Variants in AFF4 observed in about 807,000 individuals in gnomAD.
AFF4 encodes AF4/FMR2 family member 4.
A neutral mutation model predicts 124.8 loss-of-function variants in AFF4; 13 were observed. The observed-to-expected ratio is 0.10, with a 90% confidence interval of 0.07 to 0.17. The LOEUF is 0.17. AFF4 is among the 10% of genes least tolerant of loss of function. The pLI is 1.00. For missense variants in AFF4, 1,092 were observed against 1,403.8 expected, an observed-to-expected ratio of 0.78 and a Z score of 3.55; for synonymous variants, 477 against 496.1, an observed-to-expected ratio of 0.96 and a Z score of 0.51.
At chr5:132,900,838 A>T (rs1367848603) in intron 7 of AFF4, 1 of 973,142 alleles carries the variant, frequency 1.0e-6, no homozygotes, top group Non-Finnish European at 1.2e-6. Context: ...AACTAGGAAA[A>T]TGTCTAATTT....
At chr5:132,899,699 G>A (rs1760501244) in intron 7 of AFF4, 58 bp from the exon 8 acceptor site, 20 of 1,437,796 alleles carry the variant, frequency 1.4e-5, no homozygotes, top group Non-Finnish European at 1.5e-5. Flanking sequence ...GTATGCCAGA[G>A]TACTAAATAT....
intron 1 of AFF4, chr5:132,943,671 T>C (rs1457987512): frequency 8.4e-6 from 2 of 238,472 alleles, no homozygotes; most frequent in Non-Finnish European, 9.2e-6. Flanking sequence ...CTGGGAACAA[T>C]GGGGGCTTCA....
intron 13 of AFF4, chr5:132,891,962 T>C (rs1163556471): frequency 3.9e-6 from 3 of 760,802 alleles, no homozygotes; most frequent in Non-Finnish European, 6.2e-6. Flanking sequence ...TCTTTCAATA[T>C]GTATGTGACC....
intron 13 of AFF4, among the ~76,000 whole-genome samples, chr5:132,891,052 A>T (rs1760244361): frequency 6.6e-6 from 1 of 151,788 alleles, no homozygotes; most frequent in African/African-American, 2.4e-5. Context: ...TTAAAAAAGC[A>T]ATAGCAGGTT....
At chr5:132,894,569 A>G (rs1241074540) in intron 11 of AFF4, among the ~76,000 whole-genome samples, 4 of 152,254 alleles carry the variant, frequency 2.6e-5, no homozygotes, top group Non-Finnish European at 5.9e-5. Context: ...AGAAAAAGAA[A>G]TCTACATCCT....
At chr5:132,953,163 T>TAA (rs112131226) in intron 1 of AFF4, among the ~76,000 whole-genome samples, 3 of 143,390 alleles carry the variant, frequency 2.1e-5, no homozygotes, top group African/African-American at 7.6e-5. Flanking sequence ...CTGTCTCTAC[T>TAA]AAAAAAAAAA....
Position 132,879,208 on chromosome 5 carries a change from C to A in AFF4, c.*1851G>T, listed in dbSNP as rs1759912001. 2 of 220,174 alleles carry A rather than the reference C, an allele frequency of 9.1e-6. No individual in the cohort carries two copies. Among genetic ancestry groups the A allele is most frequent in the Non-Finnish European group, 9.1e-6 (1 of 109,932 alleles). 13.6% of individuals were successfully genotyped at this position (220,174 alleles called of 1,614,324 possible). On this transcript the variant is annotated 3_prime_UTR_variant, in exon 21 of 21. Coordinates refer to ENST00000265343, the MANE Select transcript of AFF4 (RefSeq NM_014423.4). Reference sequence around the variant, plus strand: ...GTTAAGAAGCTCTATAAATATGAGGCCACAGGGACAATGAAAGTTCACTAA... The same window carrying A: ...GTTAAGAAGCTCTATAAATATGAGGACACAGGGACAATGAAAGTTCACTAA...
At chr5:132,919,686 C>T (rs1359722891) in intron 5 of AFF4, among the ~76,000 whole-genome samples, 1 of 152,102 alleles carries the variant, frequency 6.6e-6, no homozygotes, top group Non-Finnish European at 1.5e-5. Context: ...CCCATCTCTA[C>T]TAGAAATACA....
Position 132,878,575 on chromosome 5 carries a change from G to A in AFF4, c.*2484C>T, listed in dbSNP as rs2150059371. On this transcript the variant is annotated 3_prime_UTR_variant, in exon 21 of 21. Coordinates refer to ENST00000265343, the MANE Select transcript of AFF4 (RefSeq NM_014423.4). Reference sequence around the variant, plus strand: ...TAAGAAGATAGACATGGAGGAAAGGGAGTAGTATTTCCACACACTATGACA... The same window carrying A: ...TAAGAAGATAGACATGGAGGAAAGGAAGTAGTATTTCCACACACTATGACA... The A allele has an allele frequency of 4.3e-6, 1 of 231,300 alleles. No individual in the cohort carries two copies. The highest frequency in any genetic ancestry group is 8.6e-6 in the Non-Finnish European group (1 of 116,568). 14.3% of individuals were successfully genotyped at this position (231,300 alleles called of 1,614,324 possible). A position where few individuals can be genotyped will look rare whatever the true frequency, so the allele number is the denominator to read the frequency against.
chr5:132,916,863 A>T (rs755188961), intron 5 of AFF4, among the ~76,000 whole-genome samples: 9 of 152,184 alleles, frequency 5.9e-5, no homozygotes, highest in Non-Finnish European at 1.3e-4. Flanking sequence ...GACCAAGTAG[A>T]GTTTACATCA....
chr5:132,885,215 G>A (rs1316369714), intron 18 of AFF4, 96 bp from the exon 19 acceptor site: 12 of 852,148 alleles, frequency 1.4e-5, no homozygotes, highest in East Asian at 5.6e-5. Context: ...AGAGCTCATC[G>A]TGAGCAGCTG....
intron 4 of AFF4, 98 bp from the exon 5 acceptor site, chr5:132,927,305 C>T: frequency 1.0e-6 from 1 of 986,990 alleles, no homozygotes; most frequent in Non-Finnish European, 1.5e-6. Flanking sequence ...GGTTTCATGA[C>T]AGCTCCTCCA....
At chr5:132,921,748 G>C (rs944081936) in intron 5 of AFF4, among the ~76,000 whole-genome samples, 1 of 152,074 alleles carries the variant, frequency 6.6e-6, no homozygotes, top group Non-Finnish European at 1.5e-5. Flanking sequence ...TTACAGGCGT[G>C]AGCCACTGCG....
In AFF4 at chr5:132,963,360, G is replaced by A. The variant is rs544221126; in HGVS notation, c.-106C>T. The A allele has an allele frequency of 3.5e-5, 14 of 397,460 alleles. No homozygotes were observed. The South Asian group carries it at 1.4e-3, about 40-fold the overall frequency. The allele number at this position is 397,460 out of a possible 1,614,324, so 24.6% of individuals were successfully genotyped here. On this transcript the variant is annotated 5_prime_UTR_variant, in exon 1 of 21. Coordinates refer to ENST00000265343, the MANE Select transcript of AFF4 (RefSeq NM_014423.4). The stretch of plus-strand genomic sequence containing the variant: ...GACGCGCATTCGAGCCCGCCCAGGG[G>A]GCGGTGACAGGCTGCCAAGGGCGAG...
Position 132,879,490 on chromosome 5 carries a change from A to T in AFF4, c.*1569T>A, listed in dbSNP as rs569253060. 9.9e-6 allele frequency: 2 copies of T among 202,414 alleles called. No individual in the cohort carries two copies. The highest frequency in any genetic ancestry group is 4.6e-5 in the African/African-American group (2 of 43,686). 12.5% of individuals were successfully genotyped at this position (202,414 alleles called of 1,614,324 possible). ...AAGCAATAGCTTTTCTGAAAGAACT[A>T]ATCTTTATATGACCCTAAAGAAAGA... On this transcript the variant is annotated 3_prime_UTR_variant, in exon 21 of 21. Transcript: ENST00000265343.
In AFF4 at chr5:132,878,295, T is replaced by C; in HGVS notation, c.*2764A>G. The C allele has an allele frequency of 4.3e-6, 1 of 230,432 alleles. No homozygotes were observed. Among genetic ancestry groups the C allele is most frequent in the Non-Finnish European group, 8.6e-6 (1 of 116,232 alleles). The allele number at this position is 230,432 out of a possible 1,614,324, so 14.3% of individuals were successfully genotyped here. On this transcript the variant is annotated 3_prime_UTR_variant, in exon 21 of 21. Coordinates refer to ENST00000265343, the MANE Select transcript of AFF4 (RefSeq NM_014423.4). ...TGCTTGTAAAGAGTCTAATGGTGTA[T>C]AGGCTGCTGCCTCCTGGCATACAAG...
Position 132,963,619 on chromosome 5 carries a change from C to CA in AFF4, c.-366dup, listed in dbSNP as rs1762132137. 1 of 397,138 alleles carries CA rather than the reference C, an allele frequency of 2.5e-6. No homozygotes were observed. The allele number at this position is 397,138 out of a possible 1,614,324, so 24.6% of individuals were successfully genotyped here. A position where few individuals can be genotyped will look rare whatever the true frequency, so the allele number is the denominator to read the frequency against. The stretch of plus-strand genomic sequence containing the variant: ...GCGACGGCAGCTGGACTCCTGCAGC[C>CA]AGGGCTGTGACTGACGCAGCGGCCG... On this transcript the variant is annotated 5_prime_UTR_variant, in exon 1 of 21. Transcript: ENST00000265343.
Position 132,875,498 on chromosome 5 carries a change from T to G in AFF4, c.*5561A>C, listed in dbSNP as rs544403586. On this transcript the variant is annotated 3_prime_UTR_variant, in exon 21 of 21. Transcript: ENST00000265343. ...ATGACACAGTAGAGTTAAAAAGATC[T>G]TTACAAATTGAAATGTGATACCCTT... 5.3e-6 allele frequency: 1 copy of G among 187,448 alleles called. No homozygotes were observed. The highest frequency in any genetic ancestry group is 2.0e-4 in the South Asian group (1 of 5,128). The allele number at this position is 187,448 out of a possible 1,614,324, so 11.6% of individuals were successfully genotyped here. A position where few individuals can be genotyped will look rare whatever the true frequency, so the allele number is the denominator to read the frequency against.
In AFF4 at chr5:132,963,446, G is replaced by GGCA; in HGVS notation, c.-193_-192insTGC. 2 of 398,350 alleles carry GGCA rather than the reference G, an allele frequency of 5.0e-6. No individual in the cohort carries two copies. Among genetic ancestry groups the GGCA allele is most frequent in the African/African-American group, 4.1e-5 (2 of 48,736 alleles). 24.7% of individuals were successfully genotyped at this position (398,350 alleles called of 1,614,324 possible). On this transcript the variant is annotated 5_prime_UTR_variant, in exon 1 of 21. Coordinates refer to ENST00000265343, the MANE Select transcript of AFF4 (RefSeq NM_014423.4). The stretch of plus-strand genomic sequence containing the variant: ...GACAAACGAAGGCGGCGTCGGCGGC[G>GGCA]GCGGCAGCGATGCGCCTCACACGGA...
Sources: allele counts gnomAD v4.1 joint callset (sites outside exome capture counted in the v4.1 genomes callset), GRCh38; gene constraint gnomAD v4.1.1; transcripts MANE v1.5; gene names NCBI Gene and HGNC (gene_info 2026-07-23, HGNC 2026-07-21).